FILIP1: variants seen among roughly 807,000 people sequenced by gnomAD.
FILIP1 encodes the protein filamin A interacting protein 1, also known as filamin-A-interacting protein 1.
In FILIP1, 61 loss-of-function variants were observed where a neutral mutation model predicts 102.1. The observed-to-expected ratio is 0.60, with a 90% CI of 0.49 to 0.74. The LOEUF (loss-of-function observed/expected upper bound fraction) is 0.74. FILIP1 is among the 30% of genes least tolerant of loss of function. The pLI, the probability that FILIP1 is intolerant of heterozygous loss-of-function variation, is 0.00. For missense variants in FILIP1, 1,314 were observed against 1,441.2 expected, an observed-to-expected ratio of 0.91 and a Z score of 1.43; for synonymous variants, 491 against 526.9, an observed-to-expected ratio of 0.93 and a Z score of 0.93.
Position 75,296,027 on chromosome 6 carries a change from T to C in FILIP1, c.3494-77A>G, listed in dbSNP as rs1305736525. On this transcript the variant is annotated intron_variant, in intron 6 of 6. Coordinates refer to the FILIP1 transcript ENST00000393004. ...CAAGCTACATCATTTCACTAAAAGA[T>C]CATAGATGTTAAATAACAAAACAAA... is the stretch of plus-strand genomic sequence containing the variant. The C allele has an allele frequency of 3.0e-6, 3 of 1,010,654 alleles. No individual in the cohort carries two copies. The African/African-American group carries it at 5.0e-5, about 17-fold the overall frequency. The allele number at this position is 1,010,654 out of a possible 1,614,324, so 62.6% of individuals were successfully genotyped here.
chr6:75,293,093 T>C (rs369376350), exon 7 of FILIP1: 2 of 152,296 alleles, frequency 1.3e-5, no homozygotes, highest in East Asian at 3.9e-4. Context: ...AAAAGATCTC[T>C]ACCAAAGATA....
At chr6:75,457,017 A>T (rs1778859498) in intron 1 of FILIP1, among the ~76,000 whole-genome samples, 1 of 152,070 alleles carries the variant, frequency 6.6e-6, no homozygotes. Context: ...CACTGAAAAA[A>T]CCTTTATCAA....
Position 75,445,111 on chromosome 6 carries a change from A to G in FILIP1, c.-6-30133T>C, listed in dbSNP as rs546132277. On this transcript the variant is annotated intron_variant, in intron 1 of 5. Coordinates refer to ENST00000237172, the MANE Select transcript of FILIP1 (RefSeq NM_015687.5). ...TCCTACCTCCATCCCCTCTCCTCCC[A>G]TCTCTGCAATAACCACTCTACCCTA... Among the ~76,000 whole-genome samples the G allele has an allele frequency of 5.9e-5, 9 of 152,072 alleles. No homozygotes were observed. The East Asian group carries it at 1.5e-3, about 26-fold the overall frequency.
intron 2 of FILIP1, among the ~76,000 whole-genome samples, chr6:75,372,787 AAAGAAAG>A (rs1227523393): frequency 1.2e-5 from 1 of 84,570 alleles, no homozygotes; most frequent in Non-Finnish European, 2.5e-5. Flanking sequence ...AGAAAGAAAG[AAAGAAAG>A]AAGGAAAGAA....
intron 2 of FILIP1, among the ~76,000 whole-genome samples, chr6:75,411,354 C>T (rs1777062274): frequency 6.6e-6 from 1 of 151,996 alleles, no homozygotes; most frequent in Non-Finnish European, 1.5e-5. Context: ...AAATTTTCTT[C>T]CATTCTGTAG....
At position 75,314,345 on chromosome 6, in the gene FILIP1, T is replaced by A. The variant is rs2149550770; in HGVS notation, c.1487A>T (p.Asp496Val). ...RLEKAELSLK[D>V]DLTKLKSFTV... ...AAATGACTTCAACTTGGTAAGATCA[T>A]CTTTTAGGCTTAATTCAGCCTTTTC... The change falls in exon 5 of 6, where the codon GAT becomes GTT. Residue 496 changes from aspartate (D) to valine (V), a missense_variant. This residue lies in a region of FILIP1 where 816 missense variants were observed against 913.1 expected (regional missense o/e 0.89). Coordinates refer to ENST00000237172, the MANE Select transcript of FILIP1 (RefSeq NM_015687.5). The A allele has an allele frequency of 6.6e-7, 1 of 1,518,834 alleles. No homozygotes were observed. Among genetic ancestry groups the A allele is most frequent in the Non-Finnish European group, 8.7e-7 (1 of 1,142,990 alleles). The allele number at this position is 1,518,834 out of a possible 1,614,324, so 94.1% of individuals were successfully genotyped here.
chr6:75,391,181 C>T (rs55845229), intron 2 of FILIP1, among the ~76,000 whole-genome samples: 3,973 of 152,012 alleles, frequency 0.026, 70 homozygotes, highest in Non-Finnish European at 0.041. Flanking sequence ...TCCTTCCATG[C>T]GCTCATTTTC....
intron 2 of FILIP1, among the ~76,000 whole-genome samples, chr6:75,385,163 A>G (rs1218102220): frequency 1.3e-5 from 2 of 152,128 alleles, no homozygotes; most frequent in East Asian, 3.8e-4. Context: ...CCTAAGGAAT[A>G]CAACTAATTG....
intron 2 of FILIP1, among the ~76,000 whole-genome samples, chr6:75,411,959 A>T (rs1369093334): frequency 6.6e-6 from 1 of 152,128 alleles, no homozygotes; most frequent in Non-Finnish European, 1.5e-5. Flanking sequence ...GGAGAAAGTC[A>T]GTGGTAGCTT....
At chr6:75,483,667 T>C (rs1172605830) in intron 1 of FILIP1, among the ~76,000 whole-genome samples, 1 of 152,068 alleles carries the variant, frequency 6.6e-6, no homozygotes, top group Non-Finnish European at 1.5e-5. Flanking sequence ...GGACCCAATC[T>C]CTAGTCAAAC....
At chr6:75,333,957 T>C (rs1562471316) in intron 4 of FILIP1, among the ~76,000 whole-genome samples, 1 of 152,086 alleles carries the variant, frequency 6.6e-6, no homozygotes, top group South Asian at 2.1e-4. Context: ...ACACTGAGTG[T>C]TTCAGAACAA....
chr6:75,398,840 C>T (rs563124460), intron 2 of FILIP1: 1 of 101,048 alleles, frequency 9.9e-6, no homozygotes, highest in Non-Finnish European at 2.2e-5. Flanking sequence ...TAACTTAAAG[C>T]GAAATTTATC....
intron 1 of FILIP1, among the ~76,000 whole-genome samples, chr6:75,461,692 T>C (rs531729993): frequency 8.5e-5 from 13 of 152,306 alleles, no homozygotes; most frequent in African/African-American, 2.9e-4. Context: ...ACCCATTTTA[T>C]TCTCTCATTT....
intron 1 of FILIP1, among the ~76,000 whole-genome samples, chr6:75,444,369 A>ATTAGATAGATTGT (rs767992802): frequency 3.9e-5 from 6 of 152,208 alleles, no homozygotes; most frequent in African/African-American, 1.2e-4. Flanking sequence ...GTCTACTATC[A>ATTAGATAGATTGT]GTTACTCTTA....
chr6:75,372,387 G>T (rs1378405128), intron 2 of FILIP1, among the ~76,000 whole-genome samples: 1 of 144,440 alleles, frequency 6.9e-6, no homozygotes. Context: ...AAAAAAAAAG[G>T]AATTAATATC....
exon 7 of FILIP1, chr6:75,292,365 AAT>A (rs1394497017): frequency 6.6e-6 from 1 of 152,216 alleles, no homozygotes; most frequent in African/African-American, 2.4e-5. Flanking sequence ...TTCCCTAAAT[AAT>A]ATAAACAAAA....
intron 3 of FILIP1, among the ~76,000 whole-genome samples, chr6:75,355,951 G>C (rs559399036): frequency 7.9e-5 from 12 of 152,238 alleles, no homozygotes; most frequent in Non-Finnish European, 1.6e-4. Flanking sequence ...CTGTGAGCTG[G>C]AGGATGTTTA....
chr6:75,467,653 C>A (rs753791703), intron 1 of FILIP1, among the ~76,000 whole-genome samples: 1 of 152,184 alleles, frequency 6.6e-6, no homozygotes. Flanking sequence ...CCTTTTCCCA[C>A]TAGAAATCTC....
At chr6:75,383,357 TA>T (rs1363482849) in intron 2 of FILIP1, among the ~76,000 whole-genome samples, 107 of 152,334 alleles carry the variant, frequency 7.0e-4, no homozygotes, top group African/African-American at 2.4e-3. Context: ...AATTGTTATT[TA>T]TGGTCTCTTC....
Sources: allele counts gnomAD v4.1 joint callset (sites outside exome capture counted in the v4.1 genomes callset), GRCh38; gene constraint gnomAD v4.1.1; regional missense constraint gnomAD v4.1.1; transcripts MANE v1.5; gene names NCBI Gene and HGNC (gene_info 2026-07-23, HGNC 2026-07-21).